The following GON4L variants were observed in gnomAD, a reference collection of about 807,000 sequenced individuals.
The protein encoded by GON4L is GON-4-like protein.
Under a neutral mutation model 211.8 loss-of-function variants are expected in GON4L, and 87 were observed. That is an observed-to-expected ratio of 0.41 (90% CI 0.35 to 0.49). The LOEUF (loss-of-function observed/expected upper bound fraction) is 0.49. Among genes scored for constraint, GON4L ranks in the 20% least tolerant of loss-of-function variants. GON4L has a pLI of 0.15. For synonymous variants in GON4L, 875 were observed against 962.6 expected, an observed-to-expected ratio of 0.91 and a Z score of 1.68; for missense variants, 2,155 against 2,659.5, an observed-to-expected ratio of 0.81 and a Z score of 4.17.
intron 10 of GON4L, among the ~76,000 whole-genome samples, chr1:155,809,864 CTT>C (rs34652946): frequency 0.012 from 132 of 10,810 alleles, 46 homozygotes; most frequent in Non-Finnish European, 0.015. Flanking sequence ...AAATTATATA[CTT>C]ATATATAATT....
chr1:155,857,726 CAA>C (rs66538874), upstream of GON4L, among the ~76,000 whole-genome samples: 193 of 146,260 alleles, frequency 1.3e-3, no homozygotes, highest in Middle Eastern at 3.5e-3. Context: ...GACTCTGTAT[CAA>C]AAAAAAAAAA....
At chr1:155,797,795 G>A (rs1233418975) in intron 11 of GON4L, among the ~76,000 whole-genome samples, 1 of 151,210 alleles carries the variant, frequency 6.6e-6, no homozygotes, top group African/African-American at 2.4e-5. Context: ...AGAGGTTGCA[G>A]TGAGCTGGGA....
rs371741939 is a variant in GON4L, at chr1:155,775,683, T to G, written c.2179-510A>C. Reference sequence around the variant, plus strand: ...CATGTTGGTCAAGCTGTTCTCGAACTCCTGACCTCAAGTGATCCAGCCACC... The same window carrying G: ...CATGTTGGTCAAGCTGTTCTCGAACGCCTGACCTCAAGTGATCCAGCCACC... On this transcript the variant is annotated intron_variant, in intron 16 of 31. Coordinates refer to ENST00000368331, the MANE Select transcript of GON4L (RefSeq NM_001282860.2). Among the ~76,000 whole-genome samples the G allele has an allele frequency of 5.9e-4, 90 of 152,250 alleles. 1 individual carries two copies. The South Asian group carries it at 0.018, about 30-fold the overall frequency.
intron 12 of GON4L, among the ~76,000 whole-genome samples, chr1:155,792,855 C>A (rs2101976818): frequency 6.6e-6 from 1 of 152,278 alleles, no homozygotes; most frequent in Admixed American, 6.5e-5. Context: ...CTCCTGGGCT[C>A]AAGTGATCCT....
At chr1:155,822,192 C>G in intron 4 of GON4L, 94 bp downstream of exon 4, 1 of 1,020,040 alleles carries the variant, frequency 9.8e-7, no homozygotes, top group Non-Finnish European at 1.6e-6. Context: ...ATCGGTAATT[C>G]ACGTATCAAG....
downstream of GON4L, among the ~76,000 whole-genome samples, chr1:155,745,513 A>T (rs1040074139): frequency 6.6e-6 from 1 of 152,248 alleles, no homozygotes; most frequent in African/African-American, 2.4e-5. Flanking sequence ...AGTACGAGGC[A>T]GAGCCTTCCG....
At chr1:155,773,585 T>C (rs1663443237) in intron 17 of GON4L, among the ~76,000 whole-genome samples, 1 of 152,220 alleles carries the variant, frequency 6.6e-6, no homozygotes, top group South Asian at 2.1e-4. Flanking sequence ...GCTTTCTTTC[T>C]TCCAGAATAA....
In GON4L at chr1:155,801,664, C is replaced by T. The variant is rs1666677960; in HGVS notation, c.1645+3285G>A. 2.0e-5 allele frequency among the ~76,000 whole-genome samples: 3 copies of T among 151,460 alleles called. No homozygotes were observed. The South Asian group carries it at 6.4e-4, about 32-fold the overall frequency. ...TTGGGAGGCCAAGGAGGGTGGATCA[C>T]CTGAGGTCAGGAGTTTGAGACCAGT... On this transcript the variant is annotated intron_variant, in intron 11 of 31. Coordinates refer to ENST00000368331, the MANE Select transcript of GON4L (RefSeq NM_001282860.2).
At chr1:155,760,766 T>G in intron 23 of GON4L, 125 bp from the exon 24 acceptor site, 1 of 649,562 alleles carries the variant, frequency 1.5e-6, no homozygotes, top group East Asian at 2.6e-5. Context: ...AGGCTGTGCC[T>G]CCAACAGATC....
chr1:155,820,949 C>T (rs1668675409), intron 5 of GON4L, among the ~76,000 whole-genome samples: 1 of 151,712 alleles, frequency 6.6e-6, no homozygotes, highest in African/African-American at 2.4e-5. Flanking sequence ...AGAGCAAGAC[C>T]CTGTCTCTAA....
chr1:155,838,600 C>A (rs898068233), intron 2 of GON4L, among the ~76,000 whole-genome samples: 9 of 151,920 alleles, frequency 5.9e-5, no homozygotes, highest in African/African-American at 9.7e-5. Flanking sequence ...CATGGCAAAA[C>A]CCCATGGCTA....
downstream of GON4L, chr1:155,747,921 C>T (rs1285857350): frequency 1.9e-6 from 3 of 1,557,390 alleles, no homozygotes; most frequent in African/African-American, 1.4e-5. Context: ...GAGGAGTAAA[C>T]ATTCGAATCC....
In GON4L at chr1:155,795,026, G is replaced by A. The variant is rs1159710224; in HGVS notation, c.1747+24C>T. The A allele has an allele frequency of 4.7e-6, 6 of 1,280,314 alleles. No individual in the cohort carries two copies. The Admixed American group carries it at 6.7e-5, about 14-fold the overall frequency. The allele number at this position is 1,280,314 out of a possible 1,614,324, so 79.3% of individuals were successfully genotyped here. ...ACAGCTGCAAAGCAGTCAAGAGCAG[G>A]ACTTAGAATAAACACAGACTCACTG... On this transcript the variant is annotated intron_variant, in intron 12 of 31. Transcript: ENST00000368331.
intron 2 of GON4L, among the ~76,000 whole-genome samples, chr1:155,843,667 T>A (rs1242499104): frequency 2.6e-5 from 4 of 152,122 alleles, no homozygotes; most frequent in African/African-American, 9.7e-5. Flanking sequence ...ATCCCACTGG[T>A]AAACAAGGAG....
Position 155,804,890 on chromosome 1 carries a change from T to A in GON4L, c.1645+59A>T, listed in dbSNP as rs1666997223. 4 of 1,265,988 alleles carry A rather than the reference T, an allele frequency of 3.2e-6. No homozygotes were observed. The East Asian group carries it at 9.3e-5, about 29-fold the overall frequency. The allele number at this position is 1,265,988 out of a possible 1,614,324, so 78.4% of individuals were successfully genotyped here. A position where few individuals can be genotyped will look rare whatever the true frequency, so the allele number is the denominator to read the frequency against. On this transcript the variant is annotated intron_variant, in intron 11 of 31. Transcript: ENST00000368331. Reference sequence around the variant, plus strand: ...TTCCATTCTATACCCTTCCAAATACTAAAAATTTTACAACAGATAATGGAC... The same window carrying A: ...TTCCATTCTATACCCTTCCAAATACAAAAAATTTTACAACAGATAATGGAC...
chr1:155,769,849 G>A (rs550593435), intron 19 of GON4L, among the ~76,000 whole-genome samples: 5 of 151,994 alleles, frequency 3.3e-5, no homozygotes, highest in Admixed American at 6.6e-5. Context: ...TGTGGTGGGA[G>A]TAAGGGAGTG....
intron 11 of GON4L, among the ~76,000 whole-genome samples, chr1:155,798,408 C>CTT (rs35010499): frequency 5.8e-4 from 72 of 125,016 alleles, no homozygotes; most frequent in Non-Finnish European, 7.2e-4. Flanking sequence ...ACAGCAAGTT[C>CTT]TTTTTTTTTT....
At chr1:155,833,369 G>C (rs1159885202) in intron 2 of GON4L, among the ~76,000 whole-genome samples, 1 of 151,990 alleles carries the variant, frequency 6.6e-6, no homozygotes, top group Non-Finnish European at 1.5e-5. Context: ...AGGAAGGAAG[G>C]CCAGGCATGG....
intron 6 of GON4L, among the ~76,000 whole-genome samples, chr1:155,817,923 GAAAAAAAA>G (rs749238086): frequency 1.3e-5 from 1 of 74,232 alleles, no homozygotes; most frequent in Non-Finnish European, 2.7e-5. Context: ...GCAAGTCACT[GAAAAAAAA>G]AAAAAAAAAA....
Sources: gnomAD v4.1 joint callset for allele counts (sites outside exome capture counted in the v4.1 genomes callset) on GRCh38, gnomAD v4.1.1 for gene constraint, MANE v1.5 for transcripts, NCBI Gene and HGNC (gene_info 2026-07-23, HGNC 2026-07-21) for gene names.